Variants in SYNDIG1 observed in about 807,000 individuals in gnomAD.
SYNDIG1 encodes the protein synapse differentiation-inducing gene protein 1.
SYNDIG1 carries 9 observed loss-of-function variants against 19.4 expected under a neutral mutation model. The observed-to-expected ratio is 0.46, with a 90% CI of 0.28 to 0.81. The LOEUF is 0.81. SYNDIG1 is among the 30% of genes least tolerant of loss of function. The pLI, the probability that SYNDIG1 is intolerant of heterozygous loss-of-function variation, is 0.12. For missense variants in SYNDIG1, 311 were observed against 343.3 expected (o/e 0.91, Z 0.74); for synonymous variants, 141 against 145.9 (o/e 0.97, Z 0.24).
chr20:24,574,112 A>G (rs1184732408), intron 2 of SYNDIG1, among the ~76,000 whole-genome samples: 1 of 152,118 alleles, frequency 6.6e-6, no homozygotes, highest in Non-Finnish European at 1.5e-5. Flanking sequence ...CTTTGCTGAG[A>G]TCACCTCCCA....
intron 3 of SYNDIG1, among the ~76,000 whole-genome samples, chr20:24,622,874 GAAC>G (rs1170970609): frequency 1.4e-5 from 2 of 144,432 alleles, no homozygotes; most frequent in African/African-American, 4.9e-5. Flanking sequence ...AGCAGAATTA[GAAC>G]AAAAAACAAA....
At chr20:24,483,889 G>A (rs2055874654) in intron 1 of SYNDIG1, among the ~76,000 whole-genome samples, 1 of 152,158 alleles carries the variant, frequency 6.6e-6, no homozygotes, top group South Asian at 2.1e-4. Flanking sequence ...GGCCAGCGGG[G>A]ATGCTGCGTC....
intron 1 of SYNDIG1, 85 bp downstream of exon 1, chr20:24,469,838 G>T (rs555280481): frequency 6.6e-6 from 1 of 152,154 alleles, no homozygotes; most frequent in Non-Finnish European, 1.5e-5. Flanking sequence ...GCTGGCGGCG[G>T]GAGCTGGAGG....
chr20:24,499,672 A>G (rs1432662043), intron 1 of SYNDIG1, among the ~76,000 whole-genome samples: 1 of 152,222 alleles, frequency 6.6e-6, no homozygotes, highest in Non-Finnish European at 1.5e-5. Flanking sequence ...TGGCTTTGCC[A>G]AGAACCTAAC....
chr20:24,544,122 G>A (rs1334956711), intron 2 of SYNDIG1, among the ~76,000 whole-genome samples: 3 of 152,204 alleles, frequency 2.0e-5, no homozygotes, highest in South Asian at 2.1e-4. Context: ...TAGATGACTC[G>A]CTTCTTTAAT....
chr20:24,659,583 G>A (rs542347673), intron 3 of SYNDIG1, among the ~76,000 whole-genome samples: 8 of 152,230 alleles, frequency 5.3e-5, no homozygotes, highest in Non-Finnish European at 1.0e-4. Flanking sequence ...CCATGGAGAA[G>A]CTGTGGCCCG....
At chr20:24,533,926 T>C (rs1016065687) in intron 1 of SYNDIG1, among the ~76,000 whole-genome samples, 6 of 152,156 alleles carry the variant, frequency 3.9e-5, no homozygotes, top group African/African-American at 1.4e-4. Flanking sequence ...TAAAGGAAGT[T>C]TGTTTGGGCT....
chr20:24,507,592 C>T lies in SYNDIG1; in HGVS notation c.-78-35428C>T, dbSNP rs2056624835. Among the ~76,000 whole-genome samples the T allele has an allele frequency of 2.0e-5, 3 of 152,178 alleles. No homozygotes were observed. The South Asian group carries it at 6.2e-4, about 32-fold the overall frequency. Reference sequence around the variant, plus strand: ...CCGTGAATGTGGCCTGCAGAAGAGTCCCCTTGCCTGCACCTGCTTAGTAGG... The same window carrying T: ...CCGTGAATGTGGCCTGCAGAAGAGTTCCCTTGCCTGCACCTGCTTAGTAGG... On this transcript the variant is annotated intron_variant, in intron 1 of 3. Coordinates refer to ENST00000376862, the MANE Select transcript of SYNDIG1 (RefSeq NM_024893.3).
At chr20:24,524,718 T>C (rs2057084573) in intron 1 of SYNDIG1, among the ~76,000 whole-genome samples, 1 of 152,162 alleles carries the variant, frequency 6.6e-6, no homozygotes, top group South Asian at 2.1e-4. Flanking sequence ...TTCTTTTTGC[T>C]CTTTCACTAA....
intron 1 of SYNDIG1, among the ~76,000 whole-genome samples, chr20:24,515,201 T>C (rs1005869647): frequency 4.6e-5 from 7 of 151,710 alleles, no homozygotes; most frequent in Admixed American, 2.6e-4. Context: ...CACCCTAACA[T>C]CACAAATAAA....
chr20:24,629,113 G>A (rs1265817779), intron 3 of SYNDIG1, among the ~76,000 whole-genome samples: 1 of 152,226 alleles, frequency 6.6e-6, no homozygotes, highest in Non-Finnish European at 1.5e-5. Context: ...ATGCTCAGCT[G>A]AGAGGCTACA....
At chr20:24,519,402 A>G (rs1287454631) in intron 1 of SYNDIG1, among the ~76,000 whole-genome samples, 1 of 152,244 alleles carries the variant, frequency 6.6e-6, no homozygotes, top group Non-Finnish European at 1.5e-5. Flanking sequence ...AGTAAAAACC[A>G]ATGGCACAGG....
At chr20:24,612,335 G>C (rs1568684363) in intron 3 of SYNDIG1, among the ~76,000 whole-genome samples, 1 of 152,162 alleles carries the variant, frequency 6.6e-6, no homozygotes, top group Non-Finnish European at 1.5e-5. Flanking sequence ...TTGGTACCAG[G>C]ACAGACATCA....
chr20:24,629,139 C>T (rs1386595492), intron 3 of SYNDIG1, among the ~76,000 whole-genome samples: 1 of 152,208 alleles, frequency 6.6e-6, no homozygotes, highest in African/African-American at 2.4e-5. Context: ...AACATGTGAG[C>T]CAGAAAGGCC....
chr20:24,619,516 C>T (rs2059003813), intron 3 of SYNDIG1, among the ~76,000 whole-genome samples: 1 of 152,234 alleles, frequency 6.6e-6, no homozygotes. Context: ...CTGCCATCCT[C>T]ATGTTCCTGT....
At chr20:24,582,294 C>G (rs890760238) in intron 2 of SYNDIG1, among the ~76,000 whole-genome samples, 7 of 120,294 alleles carry the variant, frequency 5.8e-5, no homozygotes, top group Non-Finnish European at 1.0e-4. Context: ...CCCTTGACGT[C>G]CTCCCCATTG....
intron 1 of SYNDIG1, among the ~76,000 whole-genome samples, chr20:24,532,848 A>G (rs913034152): frequency 6.6e-6 from 1 of 152,046 alleles, no homozygotes; most frequent in Admixed American, 6.6e-5. Context: ...TTCTCTTCGT[A>G]TCTTTTCTAT....
intron 1 of SYNDIG1, among the ~76,000 whole-genome samples, chr20:24,500,294 G>A (rs948095990): frequency 2.6e-5 from 4 of 152,116 alleles, no homozygotes; most frequent in African/African-American, 9.7e-5. Flanking sequence ...ATCGTTGATA[G>A]AAAATGGCAG....
In SYNDIG1 at chr20:24,584,911, G is replaced by C; in HGVS notation, c.536G>C (p.Arg179Pro). The C allele has an allele frequency of 6.2e-7, 1 of 1,614,100 alleles. No individual in the cohort carries two copies. The highest frequency in any genetic ancestry group is 8.5e-7 in the Non-Finnish European group (1 of 1,180,034). Residue 179 changes from arginine (R) to proline (P), a missense_variant, in exon 3 of 4, where the codon CGG (arginine) becomes CCG (proline). Transcript: ENST00000376862. ...GACAATTTCCTCATGATGCCCCCGCGGGACCACCTGGGCCTCAGTGTCTTC... is the reference window on the plus strand; with the variant it reads ...GACAATTTCCTCATGATGCCCCCGCCGGACCACCTGGGCCTCAGTGTCTTC... ...SEDNFLMMPP[R>P]DHLGLSVFSM...
Sources: allele counts gnomAD v4.1 joint callset (sites outside exome capture counted in the v4.1 genomes callset), GRCh38; gene constraint gnomAD v4.1.1; transcripts MANE v1.5; gene names NCBI Gene and HGNC (gene_info 2026-07-23, HGNC 2026-07-21).